The following RELN variants were observed in gnomAD, a reference collection of about 807,000 sequenced individuals.
RELN encodes the protein reelin.
In RELN, 108 loss-of-function variants were observed where a neutral mutation model predicts 427.6. The ratio of observed to expected loss-of-function variants is 0.25; its 90% confidence interval spans 0.22 to 0.30. RELN has a LOEUF of 0.30. RELN is among the 10% of genes least tolerant of loss of function. The pLI is 1.00. For missense variants in RELN, 3,715 were observed against 4,302.8 expected, an observed-to-expected ratio of 0.86 and a Z score of 3.82; for synonymous variants, 1,524 against 1,513.4, an observed-to-expected ratio of 1.01 and a Z score of -0.16.
chr7:103,884,377 G>T (rs891800017), intron 2 of RELN, among the ~76,000 whole-genome samples: 8 of 152,158 alleles, frequency 5.3e-5, no homozygotes, highest in African/African-American at 1.7e-4. Flanking sequence ...TATGGGCAAA[G>T]ACTTCGTGTC....
intron 1 of RELN, among the ~76,000 whole-genome samples, chr7:103,922,356 T>C (rs982390571): frequency 1.3e-5 from 2 of 152,274 alleles, no homozygotes; most frequent in African/African-American, 4.8e-5. Flanking sequence ...TATATATACA[T>C]ATAAATGTAT....
chr7:103,730,306 T>A (rs572292212), intron 6 of RELN, among the ~76,000 whole-genome samples: 1 of 151,996 alleles, frequency 6.6e-6, no homozygotes, highest in African/African-American at 2.4e-5. Flanking sequence ...AATATCTATA[T>A]ATAATATATG....
intron 2 of RELN, among the ~76,000 whole-genome samples, chr7:103,893,522 T>C (rs144704812): frequency 6.6e-6 from 1 of 152,322 alleles, no homozygotes; most frequent in African/African-American, 2.4e-5. Flanking sequence ...TGAGGAGGCT[T>C]ACTAGTCATT....
intron 22 of RELN, among the ~76,000 whole-genome samples, chr7:103,609,000 A>G (rs1357728240): frequency 6.6e-6 from 1 of 152,110 alleles, no homozygotes; most frequent in Non-Finnish European, 1.5e-5. Context: ...AGGTGGGTGG[A>G]TCACCTGAGG....
chr7:103,594,237 A>G, intron 26 of RELN, 84 bp downstream of exon 26: 2 of 1,343,748 alleles, frequency 1.5e-6, no homozygotes, highest in South Asian at 2.4e-5. Context: ...AGTGTCAAGC[A>G]CTAAATCCTT....
chr7:103,898,337 TTATTTAATCATTTCCC>T (rs1390053565), intron 2 of RELN, among the ~76,000 whole-genome samples: 3 of 152,098 alleles, frequency 2.0e-5, no homozygotes, highest in Non-Finnish European at 4.4e-5. Context: ...ATATGATAAC[TTATTTAATCATTTCCC>T]TATTATTGGG....
chr7:103,548,949 G>A (rs527270912), intron 41 of RELN, among the ~76,000 whole-genome samples: 78 of 152,218 alleles, frequency 5.1e-4, no homozygotes, highest in African/African-American at 1.8e-3. Context: ...GGAACTTGCT[G>A]AAGCAAGTCT....
chr7:103,776,501 A>G, intron 4 of RELN, 56 bp downstream of exon 4: 1 of 1,555,616 alleles, frequency 6.4e-7, no homozygotes, highest in Non-Finnish European at 8.9e-7. Flanking sequence ...CATAGAACAC[A>G]GGACCTACCA....
At chr7:103,576,015 A>T (rs768553101) in intron 28 of RELN, among the ~76,000 whole-genome samples, 1 of 152,006 alleles carries the variant, frequency 6.6e-6, no homozygotes, top group Admixed American at 6.6e-5. Flanking sequence ...GGCGGATCAC[A>T]AGGTCAGGAG....
At chr7:103,611,441 T>C (rs1831952664) in intron 21 of RELN, among the ~76,000 whole-genome samples, 170 bp downstream of exon 21, 1 of 152,246 alleles carries the variant, frequency 6.6e-6, no homozygotes, top group African/African-American at 2.4e-5. Context: ...AATGTGGCAT[T>C]TTTGTAATCC....
intron 2 of RELN, among the ~76,000 whole-genome samples, chr7:103,898,507 A>G (rs1795011309): frequency 6.6e-6 from 1 of 152,044 alleles, no homozygotes; most frequent in South Asian, 2.1e-4. Context: ...GGCTCTGTTT[A>G]TATAGTGTCA....
At chr7:103,610,851 C>G (rs1308387220) in intron 21 of RELN, 44 bp from the exon 22 acceptor site, 3 of 1,146,538 alleles carry the variant, frequency 2.6e-6, no homozygotes, top group Non-Finnish European at 4.0e-6. Flanking sequence ...TTCTGTTTTC[C>G]TCAGGTGAAA....
chr7:103,840,842 A>C (rs1052380024), intron 2 of RELN, among the ~76,000 whole-genome samples: 1 of 152,208 alleles, frequency 6.6e-6, no homozygotes, highest in Non-Finnish European at 1.5e-5. Context: ...AATAGGATCC[A>C]TATTGAATTT....
intron 11 of RELN, among the ~76,000 whole-genome samples, chr7:103,663,807 T>C (rs552189030): frequency 6.6e-6 from 1 of 152,316 alleles, no homozygotes; most frequent in Admixed American, 6.5e-5. Flanking sequence ...GCCTAGGTTC[T>C]AGGCACACAC....
intron 1 of RELN, among the ~76,000 whole-genome samples, chr7:103,938,828 C>G (rs1796044729): frequency 6.6e-6 from 1 of 152,010 alleles, no homozygotes; most frequent in African/African-American, 2.4e-5. Context: ...GATGATTTTT[C>G]TCGAAAACAG....
At chr7:103,748,345 G>T (rs998143779) in intron 6 of RELN, among the ~76,000 whole-genome samples, 1 of 151,834 alleles carries the variant, frequency 6.6e-6, no homozygotes, top group African/African-American at 2.4e-5. Flanking sequence ...TTCTAGAAAA[G>T]AAATAAAAGT....
In RELN at chr7:103,972,599, CTTCTGTTTGGAA is replaced by C. The variant is rs1050054626; in HGVS notation, c.226+16520_226+16531del. Among the ~76,000 whole-genome samples, 86 of 152,104 alleles carry C rather than the reference CTTCTGTTTGGAA, an allele frequency of 5.7e-4. 1 individual carries two copies. The highest frequency in any genetic ancestry group is 1.8e-3 in the African/African-American group (75 of 41,504). ...ACAATGACTGGCGTTGGCCATCTGA[CTTCTGTTTGGAA>C]TAGAGGGGCCATCATCCATCAAAGA... On this transcript the variant is annotated intron_variant, in intron 1 of 64. Transcript: ENST00000428762.
At chr7:103,590,438 G>T (rs1831383281) in intron 27 of RELN, among the ~76,000 whole-genome samples, 1 of 152,104 alleles carries the variant, frequency 6.6e-6, no homozygotes, top group Non-Finnish European at 1.5e-5. Context: ...GCGGGCACCT[G>T]TAATCCCAGC....
intron 42 of RELN, among the ~76,000 whole-genome samples, chr7:103,544,696 CATAAT>C (rs1193157181): frequency 1.3e-5 from 2 of 152,110 alleles, no homozygotes; most frequent in Non-Finnish European, 2.9e-5. Flanking sequence ...TGTCTTCACA[CATAAT>C]GATACTGAAT....
Sources: gnomAD v4.1 joint callset for allele counts (sites outside exome capture counted in the v4.1 genomes callset) on GRCh38, gnomAD v4.1.1 for gene constraint, MANE v1.5 for transcripts, NCBI Gene and HGNC (gene_info 2026-07-23, HGNC 2026-07-21) for gene names.